Variants in GABRG3 observed in about 807,000 individuals in gnomAD.
The protein encoded by GABRG3 is gamma-aminobutyric acid type A receptor subunit gamma3.
A neutral mutation model predicts 48.8 loss-of-function variants in GABRG3; 25 were observed. The observed-to-expected ratio is 0.51, with a 90% CI of 0.37 to 0.72. GABRG3 has a LOEUF of 0.72. Ranked by LOEUF, GABRG3 falls within the 30% of genes least tolerant of loss-of-function variation. The pLI is 0.00. For missense variants in GABRG3, 394 were observed against 577.9 expected (o/e 0.68, Z 3.26); for synonymous variants, 227 against 217.6 (o/e 1.04, Z -0.38).
At chr15:27,306,622 T>A (rs1167523292) in intron 3 of GABRG3, among the ~76,000 whole-genome samples, 1 of 119,722 alleles carries the variant, frequency 8.4e-6, no homozygotes, top group African/African-American at 3.7e-5. Flanking sequence ...TAAACATATA[T>A]AATATAAACA....
In GABRG3 at chr15:26,975,543, T is replaced by G. The variant is rs1894925942; in HGVS notation, c.54-1459T>G. On this transcript the variant is annotated intron_variant, in intron 1 of 9. Transcript: ENST00000615808. The surrounding 1 kb of genome is among the most constrained non-coding windows in gnomAD (Gnocchi z 4.6). ...GTAGACTATCTGGCCAACACTCTAGTCTACGTTATGGCTAGTTAACACGCT... is the reference window on the plus strand; with the variant it reads ...GTAGACTATCTGGCCAACACTCTAGGCTACGTTATGGCTAGTTAACACGCT... Among the ~76,000 whole-genome samples the G allele has an allele frequency of 6.6e-6, 1 of 152,224 alleles. No homozygotes were observed. Among genetic ancestry groups the G allele is most frequent in the East Asian group, 1.9e-4 (1 of 5,190 alleles).
At chr15:27,133,043 T>C (rs1897947390) in intron 3 of GABRG3, among the ~76,000 whole-genome samples, 1 of 152,082 alleles carries the variant, frequency 6.6e-6, no homozygotes, top group African/African-American at 2.4e-5. Flanking sequence ...TCTCTTACGA[T>C]ATTGTTTTTC....
At chr15:27,344,192 G>A (rs1595691567) in intron 5 of GABRG3, among the ~76,000 whole-genome samples, 1 of 152,112 alleles carries the variant, frequency 6.6e-6, no homozygotes, top group Non-Finnish European at 1.5e-5. Context: ...TTTCTCCCTA[G>A]TTAGGCTTAT....
chr15:27,109,953 CTTTG>C (rs1429292124), intron 3 of GABRG3, among the ~76,000 whole-genome samples: 2 of 151,994 alleles, frequency 1.3e-5, no homozygotes, highest in Admixed American at 6.6e-5. Context: ...GTTTTTGTTT[CTTTG>C]TTTGTGTTTA....
chr15:27,397,335 C>G (rs1887335386), intron 5 of GABRG3, among the ~76,000 whole-genome samples: 1 of 152,120 alleles, frequency 6.6e-6, no homozygotes, highest in African/African-American at 2.4e-5. Flanking sequence ...CTGTGGAAAT[C>G]TACAGTTCTC....
intron 3 of GABRG3, among the ~76,000 whole-genome samples, chr15:27,092,429 T>C (rs1031987663): frequency 6.6e-6 from 1 of 152,230 alleles, no homozygotes; most frequent in Non-Finnish European, 1.5e-5. Flanking sequence ...CCTCTCCCAC[T>C]GTCTGAGACC....
At chr15:26,998,031 G>GT (rs1895372190) in intron 2 of GABRG3, among the ~76,000 whole-genome samples, 1 of 152,214 alleles carries the variant, frequency 6.6e-6, no homozygotes, top group South Asian at 2.1e-4. Context: ...CTTGGGAAAT[G>GT]TTTTCAGCCT....
intron 2 of GABRG3, among the ~76,000 whole-genome samples, chr15:26,995,493 T>C (rs1022196224): frequency 2.0e-5 from 3 of 151,976 alleles, no homozygotes; most frequent in African/African-American, 7.2e-5. Context: ...TGCTTTTTTT[T>C]CTCTATGTGT....
chr15:27,203,757 T>C (rs939164077), intron 3 of GABRG3, among the ~76,000 whole-genome samples: 1 of 152,130 alleles, frequency 6.6e-6, no homozygotes, highest in African/African-American at 2.4e-5. Context: ...TGGTATCTCA[T>C]TGTGGTTTTG....
At chr15:27,021,867 A>G (rs1261809962) in intron 2 of GABRG3, among the ~76,000 whole-genome samples, 1 of 152,198 alleles carries the variant, frequency 6.6e-6, no homozygotes, top group Non-Finnish European at 1.5e-5. Flanking sequence ...ATAAAATACA[A>G]TAAGTTTAAA....
At chr15:27,255,386 G>A (rs555725092) in intron 3 of GABRG3, among the ~76,000 whole-genome samples, 8 of 152,290 alleles carry the variant, frequency 5.3e-5, no homozygotes, top group East Asian at 1.9e-4. Flanking sequence ...CCCTTGCCAC[G>A]TGCCAATTCT....
intron 5 of GABRG3, among the ~76,000 whole-genome samples, chr15:27,466,695 A>G (rs151174927): frequency 1.2e-3 from 186 of 152,248 alleles, no homozygotes; most frequent in South Asian, 1.2e-3. Context: ...CTCCTCTTAA[A>G]CCGTTGTATC....
At chr15:27,279,908 T>A (rs528193408) in intron 3 of GABRG3, among the ~76,000 whole-genome samples, 41 of 152,260 alleles carry the variant, frequency 2.7e-4, no homozygotes, top group African/African-American at 9.4e-4. Flanking sequence ...TCTGTTTATA[T>A]CTTTGATTTT....
At chr15:27,003,662 T>G (rs1302015633) in intron 2 of GABRG3, among the ~76,000 whole-genome samples, 1 of 152,200 alleles carries the variant, frequency 6.6e-6, no homozygotes, top group East Asian at 1.9e-4. Flanking sequence ...TTCTCAATCT[T>G]TTCCCCACCT....
chr15:27,158,784 T>C (rs1566950297), intron 3 of GABRG3, among the ~76,000 whole-genome samples: 1 of 152,224 alleles, frequency 6.6e-6, no homozygotes, highest in Non-Finnish European at 1.5e-5. Context: ...CCATGTCATG[T>C]GGGGAATACC....
intron 3 of GABRG3, among the ~76,000 whole-genome samples, chr15:27,159,439 G>A (rs574236366): frequency 3.3e-5 from 5 of 151,680 alleles, no homozygotes; most frequent in South Asian, 2.1e-4. Context: ...CCGAGATTGC[G>A]CCACTGCACT....
chr15:27,137,443 C>T (rs1898029671), intron 3 of GABRG3, among the ~76,000 whole-genome samples: 1 of 152,146 alleles, frequency 6.6e-6, no homozygotes, highest in Non-Finnish European at 1.5e-5. Flanking sequence ...GAAAAAGTCT[C>T]CAAATAAATG....
At chr15:27,318,466 G>GAT (rs1372793045) in intron 3 of GABRG3, among the ~76,000 whole-genome samples, 1 of 152,088 alleles carries the variant, frequency 6.6e-6, no homozygotes, top group African/African-American at 2.4e-5. Context: ...GCTACCTTGG[G>GAT]ATACCGTGTG....
At chr15:27,505,110 C>T (rs1000072192) in intron 6 of GABRG3, among the ~76,000 whole-genome samples, 2 of 152,102 alleles carry the variant, frequency 1.3e-5, no homozygotes, top group African/African-American at 4.8e-5. Flanking sequence ...TTTCACATCT[C>T]TTTAGTCTCT....
Sources: allele counts gnomAD v4.1 joint callset (sites outside exome capture counted in the v4.1 genomes callset), GRCh38; gene constraint gnomAD v4.1.1; non-coding constraint Gnocchi (gnomAD v3.1); transcripts MANE v1.5; gene names NCBI Gene and HGNC (gene_info 2026-07-23, HGNC 2026-07-21).